The following MAMLD1 variants were observed in gnomAD, a reference collection of about 807,000 sequenced individuals.
The protein encoded by MAMLD1 is mastermind like domain containing 1.
In MAMLD1, 14 loss-of-function variants were observed where a neutral mutation model predicts 45.0. That is an observed-to-expected ratio of 0.31 (90% CI 0.21 to 0.49). MAMLD1 has a LOEUF of 0.49. MAMLD1 is among the 20% of genes least tolerant of loss of function. The pLI, the probability that MAMLD1 is intolerant of heterozygous loss-of-function variation, is 0.99. For synonymous variants in MAMLD1, 254 were observed against 247.8 expected (o/e 1.02, Z -0.24); for missense variants, 543 against 603.6 (o/e 0.90, Z 1.05).
chrX:150,488,601 C>G (rs782811893), intron 5 of MAMLD1, among the ~76,000 whole-genome samples: 1 of 113,032 alleles, frequency 8.8e-6, no homozygotes, highest in East Asian at 2.8e-4. Flanking sequence ...TTACAAATAA[C>G]GTCTACAAAC....
chrX:150,486,236 C>G (rs1007658607), intron 5 of MAMLD1, among the ~76,000 whole-genome samples: 35 of 111,937 alleles, frequency 3.1e-4, no homozygotes, highest in African/African-American at 1.0e-3. Context: ...CAAGATAGTG[C>G]CAGCAACTCC....
chrX:150,397,736 A>G (rs1280763574), intron 1 of MAMLD1, among the ~76,000 whole-genome samples: 2 of 110,862 alleles, frequency 1.8e-5, no homozygotes, highest in Admixed American at 1.9e-4. Flanking sequence ...TTTATTTCTG[A>G]CTCATCCCTC....
chrX:150,389,384 T>A (rs1420055900), intron 1 of MAMLD1, among the ~76,000 whole-genome samples: 1 of 112,133 alleles, frequency 8.9e-6, no homozygotes, highest in Non-Finnish European at 1.9e-5. Flanking sequence ...GGAGACTTCC[T>A]CTTTGACTGA....
At chrX:150,456,032 A>C (rs2035853601) in intron 2 of MAMLD1, among the ~76,000 whole-genome samples, 1 of 111,469 alleles carries the variant, frequency 9.0e-6, no homozygotes, top group African/African-American at 3.3e-5. Context: ...CGTGGGTCAA[A>C]TACAACCGTC....
chrX:150,494,313 G>T (rs185601635), intron 5 of MAMLD1, among the ~76,000 whole-genome samples: 1 of 111,925 alleles, frequency 8.9e-6, no homozygotes, highest in Non-Finnish European at 1.9e-5. Context: ...AGAACAGCTT[G>T]AACCCAGGAG....
At chrX:150,416,587 G>A (rs987843607) in intron 1 of MAMLD1, among the ~76,000 whole-genome samples, 1 of 111,691 alleles carries the variant, frequency 9.0e-6, no homozygotes, top group Non-Finnish European at 1.9e-5. Flanking sequence ...GGTTGCTTAC[G>A]TTTTCGAAGG....
At chrX:150,416,182 T>C (rs1046574055) in intron 1 of MAMLD1, among the ~76,000 whole-genome samples, 1 of 111,652 alleles carries the variant, frequency 9.0e-6, no homozygotes, top group Non-Finnish European at 1.9e-5. Context: ...AAATGTCTTG[T>C]TCACCCTGAT....
rs782077615 is a variant in MAMLD1 at position 150,470,949 on chromosome X, G to A, written c.1376G>A (p.Arg459His). ...ASNPGPSPPYRPEKLSSPGLP... is the reference protein window; with the variant it reads ...ASNPGPSPPYHPEKLSSPGLP... ...AACCCTGGGCCGTCCCCACCCTATC[G>A]CCCAGAGAAGCTCTCTAGCCCAGGC... Residue 459 changes from arginine to histidine, a missense_variant, in exon 4 of 8, where the codon CGC (arginine) becomes CAC (histidine). By Grantham distance (29) the Arg-to-His change is conservative. Coordinates refer to ENST00000370401, the MANE Select transcript of MAMLD1 (RefSeq NM_005491.5). The A allele has an allele frequency of 2.7e-5, 33 of 1,209,792 alleles. 1 individual carries two copies. Among genetic ancestry groups the A allele is most frequent in the Non-Finnish European group, 3.6e-5 (32 of 895,229 alleles).
chrX:150,457,010 T>C (rs782793188), intron 2 of MAMLD1, among the ~76,000 whole-genome samples: 16 of 112,893 alleles, frequency 1.4e-4, no homozygotes, highest in African/African-American at 5.1e-4. Flanking sequence ...CCAGTGGGTC[T>C]CCCCAAACTC....
chrX:150,388,003 T>C (rs781944448), intron 1 of MAMLD1, among the ~76,000 whole-genome samples: 1 of 112,217 alleles, frequency 8.9e-6, no homozygotes, highest in South Asian at 3.6e-4. Flanking sequence ...TTTTCTGTAC[T>C]GTCTTTGTCT....
chrX:150,455,679 C>T (rs1203899745), intron 2 of MAMLD1, among the ~76,000 whole-genome samples: 2 of 111,607 alleles, frequency 1.8e-5, no homozygotes, highest in African/African-American at 6.5e-5. Flanking sequence ...TTAAACAGAC[C>T]ATGAGGGCTC....
At chrX:150,377,088 A>G (rs1880957330) in intron 1 of MAMLD1, among the ~76,000 whole-genome samples, 1 of 113,236 alleles carries the variant, frequency 8.8e-6, no homozygotes, top group Non-Finnish European at 1.9e-5. Flanking sequence ...ACAGCCACCA[A>G]CTTTGGGACT....
chrX:150,513,617 T>C lies in MAMLD1; in HGVS notation c.*1658T>C. 3.3e-6 allele frequency: 1 copy of C among 298,540 alleles called. No homozygotes were observed. Among genetic ancestry groups the C allele is most frequent in the Admixed American group, 6.0e-5 (1 of 16,781 alleles). The allele number at this position is 298,540 out of a possible 1,213,427, so 24.6% of individuals were successfully genotyped here. A position where few individuals can be genotyped will look rare whatever the true frequency, so the allele number is the denominator to read the frequency against. On this transcript the variant is annotated 3_prime_UTR_variant, in exon 8 of 8. Coordinates refer to ENST00000370401, the MANE Select transcript of MAMLD1 (RefSeq NM_005491.5). ...AATCTCTTTTGCGAACCTTTCAGTCTCCGCTAGCTCTTTCCTAATGAGCTT... is the reference window on the plus strand; with the variant it reads ...AATCTCTTTTGCGAACCTTTCAGTCCCCGCTAGCTCTTTCCTAATGAGCTT...
intron 1 of MAMLD1, among the ~76,000 whole-genome samples, chrX:150,377,819 TCA>T (rs3066915): frequency 0.015 from 1,362 of 91,806 alleles, 22 homozygotes; most frequent in African/African-American, 0.042. Flanking sequence ...TACCACCCCC[TCA>T]CACACACACA....
At chrX:150,435,993 T>C (rs1365407060) in intron 1 of MAMLD1, among the ~76,000 whole-genome samples, 1 of 112,311 alleles carries the variant, frequency 8.9e-6, no homozygotes, top group Non-Finnish European at 1.9e-5. Flanking sequence ...TGGCTATAAA[T>C]AAAATTATTG....
intron 1 of MAMLD1, among the ~76,000 whole-genome samples, chrX:150,410,984 T>TTG (rs1557402808): frequency 3.6e-5 from 4 of 111,246 alleles, no homozygotes; most frequent in African/African-American, 1.3e-4. Flanking sequence ...GAAGTTTTTT[T>TTG]TGATTTTTTT....
chrX:150,430,284 T>C (rs1251571492), intron 1 of MAMLD1, among the ~76,000 whole-genome samples: 4 of 110,120 alleles, frequency 3.6e-5, no homozygotes, highest in Non-Finnish European at 7.6e-5. Context: ...CAAAATGGCT[T>C]CTGCCCGTTT....
intron 5 of MAMLD1, among the ~76,000 whole-genome samples, chrX:150,498,947 C>G (rs1476634969): frequency 8.9e-6 from 1 of 112,485 alleles, no homozygotes; most frequent in Non-Finnish European, 1.9e-5. Context: ...AAGTTGTCTC[C>G]TATCACCTCT....
chrX:150,404,971 C>G (rs1448273944), intron 1 of MAMLD1, among the ~76,000 whole-genome samples: 1 of 112,381 alleles, frequency 8.9e-6, no homozygotes, highest in Non-Finnish European at 1.9e-5. Flanking sequence ...ACTACAAATA[C>G]AGCTGCTATC....
Sources: allele counts gnomAD v4.1 joint callset (sites outside exome capture counted in the v4.1 genomes callset), GRCh38; gene constraint gnomAD v4.1.1; transcripts MANE v1.5; gene names NCBI Gene and HGNC (gene_info 2026-07-23, HGNC 2026-07-21).